NCAM2: variants seen among roughly 807,000 people sequenced by gnomAD.
NCAM2 encodes the protein N-CAM-2.
In NCAM2, 30 loss-of-function variants were observed where a neutral mutation model predicts 98.1. That is an observed-to-expected ratio of 0.31 (90% CI 0.23 to 0.41). The LOEUF is 0.41. NCAM2 is among the 10% of genes least tolerant of loss of function. The pLI is 1.00. For missense variants in NCAM2, 867 were observed against 1,005.8 expected (o/e 0.86, Z 1.87); for synonymous variants, 368 against 342.4 (o/e 1.07, Z -0.83).
intron 16 of NCAM2, among the ~76,000 whole-genome samples, chr21:21,527,261 G>A (rs1159913349): frequency 6.6e-6 from 1 of 152,006 alleles, no homozygotes; most frequent in Non-Finnish European, 1.5e-5. Context: ...ACAGGCGCGT[G>A]CCATCACGCC....
intron 1 of NCAM2, among the ~76,000 whole-genome samples, chr21:21,237,861 G>C (rs2070895632): frequency 6.6e-6 from 1 of 150,556 alleles, no homozygotes; most frequent in South Asian, 2.1e-4. Flanking sequence ...CTTGTAAAAT[G>C]CTGAATTGCA....
intron 8 of NCAM2, among the ~76,000 whole-genome samples, chr21:21,367,089 AT>A (rs769059533): frequency 1.3e-5 from 2 of 151,976 alleles, no homozygotes; most frequent in Non-Finnish European, 2.9e-5. Flanking sequence ...ATTATAACGC[AT>A]TTTTAAAAGG....
At chr21:21,501,698 C>T (rs1300183274) in intron 15 of NCAM2, among the ~76,000 whole-genome samples, 1 of 151,052 alleles carries the variant, frequency 6.6e-6, no homozygotes, top group Non-Finnish European at 1.5e-5. Flanking sequence ...TCAATTCTGA[C>T]CTAGATGGAG....
intron 1 of NCAM2, among the ~76,000 whole-genome samples, chr21:21,202,709 C>T (rs1038352160): frequency 1.3e-5 from 2 of 152,044 alleles, no homozygotes; most frequent in African/African-American, 4.8e-5. Context: ...AGCCACTGTG[C>T]CGGGCCCATG....
intron 11 of NCAM2, among the ~76,000 whole-genome samples, chr21:21,419,314 T>A (rs2077061753): frequency 6.6e-6 from 1 of 151,236 alleles, no homozygotes; most frequent in African/African-American, 2.4e-5. Context: ...ACTTTTTTTT[T>A]TTTTTTTTTT....
intron 14 of NCAM2, among the ~76,000 whole-genome samples, chr21:21,470,243 A>G (rs541400266): frequency 6.6e-6 from 1 of 152,238 alleles, no homozygotes; most frequent in South Asian, 2.1e-4. Flanking sequence ...GACATTTTAG[A>G]CAGCCATATA....
intron 16 of NCAM2, among the ~76,000 whole-genome samples, chr21:21,533,311 T>A (rs984021081): frequency 6.6e-6 from 1 of 151,894 alleles, no homozygotes; most frequent in Non-Finnish European, 1.5e-5. Flanking sequence ...CCCTGGCAAC[T>A]ACAGACTTTA....
intron 15 of NCAM2, among the ~76,000 whole-genome samples, chr21:21,501,516 T>C (rs994735106): frequency 6.6e-6 from 1 of 152,040 alleles, no homozygotes; most frequent in African/African-American, 2.4e-5. Flanking sequence ...ATGTTAATTT[T>C]ATTAATTCTA....
intron 8 of NCAM2, among the ~76,000 whole-genome samples, chr21:21,350,395 G>A (rs1280970388): frequency 6.6e-6 from 1 of 151,592 alleles, no homozygotes. Context: ...TTTTATTATT[G>A]GGCACAATTT....
At chr21:21,298,608 T>C (rs1377171070) in intron 5 of NCAM2, among the ~76,000 whole-genome samples, 15 of 151,338 alleles carry the variant, frequency 9.9e-5, no homozygotes, top group African/African-American at 3.6e-4. Context: ...GATAGATAGA[T>C]AGATAGATAG....
chr21:21,337,411 C>T (rs2074901887), intron 7 of NCAM2, among the ~76,000 whole-genome samples: 1 of 151,978 alleles, frequency 6.6e-6, no homozygotes, highest in Non-Finnish European at 1.5e-5. Context: ...ATAACTAAAT[C>T]TATTAAAGTT....
At chr21:21,518,313 A>G (rs1988826292) in intron 16 of NCAM2, among the ~76,000 whole-genome samples, 2 of 152,168 alleles carry the variant, frequency 1.3e-5, no homozygotes, top group African/African-American at 4.8e-5. Flanking sequence ...CAAAAATTAG[A>G]TTCAACTGTT....
chr21:21,409,834 G>A (rs1221799634), intron 9 of NCAM2, among the ~76,000 whole-genome samples: 1 of 152,096 alleles, frequency 6.6e-6, no homozygotes, highest in Non-Finnish European at 1.5e-5. Flanking sequence ...AATTAGGCTG[G>A]GAGCGGTGGC....
chr21:21,449,815 G>T (rs17003866), intron 12 of NCAM2, among the ~76,000 whole-genome samples: 10,007 of 152,074 alleles, frequency 0.066, 502 homozygotes, highest in African/African-American at 0.13. Flanking sequence ...AGTGATGAAT[G>T]CCGCAGACTG....
intron 1 of NCAM2, among the ~76,000 whole-genome samples, chr21:21,240,727 T>G (rs949059142): frequency 6.6e-6 from 1 of 152,216 alleles, no homozygotes. Flanking sequence ...GTGAATCTCC[T>G]TGTCCCTTAA....
intron 1 of NCAM2, among the ~76,000 whole-genome samples, chr21:21,135,120 C>T (rs1277058699): frequency 6.6e-6 from 1 of 151,712 alleles, no homozygotes; most frequent in Admixed American, 6.6e-5. Context: ...GTGCCGGGCA[C>T]CTGTAGTCCC....
chr21:21,237,473 A>G (rs910127619), intron 1 of NCAM2, among the ~76,000 whole-genome samples: 6 of 152,102 alleles, frequency 3.9e-5, no homozygotes, highest in African/African-American at 1.4e-4. Context: ...CAGAGATAAA[A>G]TTTTTATTTT....
At chr21:21,209,097 G>A (rs529825247) in intron 1 of NCAM2, among the ~76,000 whole-genome samples, 4 of 151,406 alleles carry the variant, frequency 2.6e-5, no homozygotes, top group Admixed American at 6.6e-5. Context: ...ACACCTTGAT[G>A]TTCCCCACTC....
At chr21:21,450,724 T>G (rs1286217148) in intron 12 of NCAM2, among the ~76,000 whole-genome samples, 1 of 151,946 alleles carries the variant, frequency 6.6e-6, no homozygotes. Context: ...ATATGCATTT[T>G]ACTTTCTTAC....
Sources: gnomAD v4.1 joint callset for allele counts (sites outside exome capture counted in the v4.1 genomes callset) on GRCh38, gnomAD v4.1.1 for gene constraint, MANE v1.5 for transcripts, NCBI Gene and HGNC (gene_info 2026-07-23, HGNC 2026-07-21) for gene names.